The following MAP7D2 variants were observed in gnomAD, a reference collection of about 807,000 sequenced individuals.
The protein encoded by MAP7D2 is MAP7 domain containing 2, also known as MAP7 domain-containing protein 2.
In MAP7D2, 33 loss-of-function variants were observed where a neutral mutation model predicts 63.5. The ratio of observed to expected loss-of-function variants is 0.52; its 90% CI spans 0.39 to 0.70. MAP7D2 has a LOEUF of 0.70. MAP7D2 is among the 30% of genes least tolerant of loss of function. The probability of loss-of-function intolerance (pLI) is 0.00; values close to 1 mark genes in which losing one functional copy is unlikely to be tolerated. For synonymous variants in MAP7D2, 224 were observed against 223.7 expected, an observed-to-expected ratio of 1.00 and a Z score of -0.01; for missense variants, 626 against 604.0, an observed-to-expected ratio of 1.04 and a Z score of -0.38.
intron 10 of MAP7D2, among the ~76,000 whole-genome samples, chrX:20,023,281 T>C (rs1215521473): frequency 2.7e-5 from 3 of 112,854 alleles, no homozygotes; most frequent in Non-Finnish European, 3.7e-5. Context: ...CTAAATCTTT[T>C]GACGCCATAG....
chrX:20,055,238 C>T (rs1167166773), intron 4 of MAP7D2, among the ~76,000 whole-genome samples: 1 of 111,269 alleles, frequency 9.0e-6, no homozygotes, highest in Non-Finnish European at 1.9e-5. Context: ...AGCACAAAGC[C>T]AAATTATCTA....
At chrX:20,020,263 GT>G (rs1603352800) in intron 10 of MAP7D2, among the ~76,000 whole-genome samples, 1 of 110,875 alleles carries the variant, frequency 9.0e-6, no homozygotes, top group Non-Finnish European at 1.9e-5. Flanking sequence ...TCATTTGTCA[GT>G]TTCAACCTTC....
In MAP7D2 at chrX:20,048,459, G is replaced by A. The variant is rs745549538; in HGVS notation, c.718+2365C>T. Among the ~76,000 whole-genome samples the A allele has an allele frequency of 2.8e-3, 312 of 110,857 alleles. 2 individuals are homozygous for A. The highest frequency in any genetic ancestry group is 0.01 in the African/African-American group (306 of 30,537). ...TTTGTCCCATGTGTCTTTCTCCTTT[G>A]CTGACTTTGCTTGCATCCTTTCACT... On this transcript the variant is annotated intron_variant, in intron 6 of 16. Coordinates refer to ENST00000379643, the MANE Select transcript of MAP7D2 (RefSeq NM_001168465.2).
chrX:20,106,900 T>G (rs1000819231), intron 1 of MAP7D2, among the ~76,000 whole-genome samples: 2 of 109,407 alleles, frequency 1.8e-5, no homozygotes, highest in Non-Finnish European at 3.8e-5. Context: ...GAGGATCGCT[T>G]GAGCCTGAGA....
intron 1 of MAP7D2, among the ~76,000 whole-genome samples, chrX:20,115,194 T>C (rs1249748916): frequency 3.1e-5 from 3 of 96,328 alleles, no homozygotes; most frequent in African/African-American, 1.2e-4. Context: ...ATTAAGAATC[T>C]CCCCCGCAAA....
intron 3 of MAP7D2, among the ~76,000 whole-genome samples, chrX:20,060,135 T>G (rs2065171800): frequency 9.1e-6 from 1 of 110,067 alleles, no homozygotes. Flanking sequence ...TTCTCTCACC[T>G]CAGCCTCCTA....
At chrX:20,070,906 T>C (rs976702865) in intron 1 of MAP7D2, among the ~76,000 whole-genome samples, 3 of 112,626 alleles carry the variant, frequency 2.7e-5, no homozygotes, top group African/African-American at 9.7e-5. Context: ...CAATTATTCA[T>C]GGTAAGAACC....
intron 1 of MAP7D2, among the ~76,000 whole-genome samples, chrX:20,071,953 G>A (rs1395267012): frequency 1.8e-5 from 2 of 110,758 alleles, no homozygotes; most frequent in Non-Finnish European, 3.8e-5. Context: ...ACCCTGCCAG[G>A]CTTTGGGTCT....
intron 10 of MAP7D2, among the ~76,000 whole-genome samples, chrX:20,024,144 C>G (rs2073755437): frequency 8.9e-6 from 1 of 112,264 alleles, no homozygotes; most frequent in South Asian, 3.7e-4. Flanking sequence ...TGTGATGAGC[C>G]TAACGGCTTC....
At position 20,116,843 on chromosome X, in the gene MAP7D2, G is replaced by A. The variant is rs200047348; in HGVS notation, c.37C>T (p.Arg13Trp). 172 of 1,163,235 alleles carry A rather than the reference G, an allele frequency of 1.5e-4. No homozygotes were observed. The Middle Eastern group carries it at 3.2e-3, about 22-fold the overall frequency. ...RGGGGSGTGSRPEGTARGTSL... is the reference protein window; with the variant it reads ...RGGGGSGTGSWPEGTARGTSL... Reference sequence around the variant, plus strand: ...GTTCCCCGCGCAGTCCCCTCAGGCCGGGATCCCGTCCCGGAGCCGCCGCCG... The same window carrying A: ...GTTCCCCGCGCAGTCCCCTCAGGCCAGGATCCCGTCCCGGAGCCGCCGCCG... Residue 13 changes from arginine (R) to tryptophan (W), a missense_variant, in exon 1 of 17, where the codon CGG becomes TGG. Transcript: ENST00000379643.
intron 14 of MAP7D2, 56 bp from the exon 15 acceptor site, chrX:20,012,591 CAG>C (rs1387502439): frequency 2.0e-6 from 2 of 998,222 alleles, no homozygotes; most frequent in African/African-American, 3.8e-5. Context: ...AATAAAGTAA[CAG>C]AGAAATATAG....
intron 4 of MAP7D2, 81 bp from the exon 5 acceptor site, chrX:20,053,069 C>T: frequency 1.4e-6 from 1 of 692,679 alleles, no homozygotes; most frequent in Non-Finnish European, 2.3e-6. Context: ...AGTGTCCTTC[C>T]TGTCCTCATC....
At chrX:20,036,903 C>CAAAA (rs59036515) in intron 8 of MAP7D2, among the ~76,000 whole-genome samples, 3 of 29,718 alleles carry the variant, frequency 1.0e-4, no homozygotes, top group Non-Finnish European at 1.3e-4. Flanking sequence ...GACTCCATCT[C>CAAAA]AAAAAAAAAA....
intron 6 of MAP7D2, chrX:20,049,919 C>T (rs1299344239): frequency 2.0e-5 from 6 of 297,630 alleles, no homozygotes; most frequent in South Asian, 6.4e-5. Context: ...TTTTGATTTG[C>T]ATTTCCCTAA....
intron 2 of MAP7D2, among the ~76,000 whole-genome samples, chrX:20,064,351 T>C (rs1471064834): frequency 8.9e-6 from 1 of 112,057 alleles, no homozygotes; most frequent in Non-Finnish European, 1.9e-5. Context: ...AAGTGCTGAT[T>C]TTCTCAGTTC....
chrX:20,025,621 C>A, intron 9 of MAP7D2, 60 bp downstream of exon 9: 1 of 1,170,874 alleles, frequency 8.5e-7, no homozygotes, highest in Non-Finnish European at 1.2e-6. Flanking sequence ...GAGAATGGCA[C>A]GTGGATTGGG....
intron 6 of MAP7D2, among the ~76,000 whole-genome samples, chrX:20,047,648 CAA>C (rs113884587): frequency 8.9e-4 from 53 of 59,461 alleles, no homozygotes; most frequent in African/African-American, 1.2e-3. Flanking sequence ...CCTATCTCTA[CAA>C]AAAAAAAAAA....
At chrX:20,071,920 C>T (rs189195990) in intron 1 of MAP7D2, among the ~76,000 whole-genome samples, 3 of 111,070 alleles carry the variant, frequency 2.7e-5, no homozygotes, top group Admixed American at 1.9e-4. Flanking sequence ...CCTCTCCAGT[C>T]GCTGTGATTA....
At chrX:20,072,257 AC>A (rs1382009400) in intron 1 of MAP7D2, among the ~76,000 whole-genome samples, 1 of 111,544 alleles carries the variant, frequency 9.0e-6, no homozygotes, top group Non-Finnish European at 1.9e-5. Flanking sequence ...CACCCCCAAC[AC>A]ACACACAGAT....
Sources: gnomAD v4.1 joint callset for allele counts (sites outside exome capture counted in the v4.1 genomes callset) on GRCh38, gnomAD v4.1.1 for gene constraint, MANE v1.5 for transcripts, NCBI Gene and HGNC (gene_info 2026-07-23, HGNC 2026-07-21) for gene names.